DNAAF9: variants seen among roughly 807,000 people sequenced by gnomAD.
DNAAF9 encodes the protein shulin.
Under a neutral mutation model 167.0 loss-of-function variants are expected in DNAAF9, and 90 were observed. The ratio of observed to expected loss-of-function variants is 0.54; its 90% CI spans 0.45 to 0.64. DNAAF9 has a LOEUF of 0.64. Among genes scored for constraint, DNAAF9 ranks in the 30% least tolerant of loss-of-function variants. DNAAF9 has a pLI of 0.00. For missense variants in DNAAF9, 1,315 were observed against 1,442.2 expected, an observed-to-expected ratio of 0.91 and a Z score of 1.43; for synonymous variants, 491 against 508.8, an observed-to-expected ratio of 0.96 and a Z score of 0.47.
In DNAAF9 at chr20:3,374,910, T is replaced by C. The variant is rs538773271; in HGVS notation, c.505+120A>G. On this transcript the variant is annotated intron_variant, in intron 5 of 36. Transcript: ENST00000252032. ...CCATACTTAATTCTGCTTGATGTCT[T>C]TGGTAAAAATAGACGAAGGGGTTTC... is the stretch of plus-strand genomic sequence containing the variant. 8 of 641,210 alleles carry C rather than the reference T, an allele frequency of 1.2e-5. No individual in the cohort carries two copies. The South Asian group carries it at 1.7e-4, about 14-fold the overall frequency. The allele number at this position is 641,210 out of a possible 1,614,324, so 39.7% of individuals were successfully genotyped here.
chr20:3,296,201 C>A, intron 23 of DNAAF9: 3 of 545,580 alleles, frequency 5.5e-6, no homozygotes, highest in South Asian at 4.4e-5. Context: ...CCTAGGAGGT[C>A]AAGGCTGCAG....
intron 14 of DNAAF9, 32 bp downstream of exon 14, chr20:3,324,860 A>G (rs77934448): frequency 1.7e-6 from 2 of 1,157,408 alleles, no homozygotes; most frequent in Non-Finnish European, 2.5e-6. Flanking sequence ...AAGAAAAAAA[A>G]TTCCTTATAA....
At chr20:3,305,372 G>A (rs1165950891) in intron 20 of DNAAF9, among the ~76,000 whole-genome samples, 2 of 152,228 alleles carry the variant, frequency 1.3e-5, no homozygotes, top group African/African-American at 2.4e-5. Context: ...TTCTATTCCT[G>A]TAACAGCTTT....
rs570110874 is a variant in DNAAF9 at position 3,397,160 on chromosome 20, T to C, written c.83+10315A>G. On this transcript the variant is annotated intron_variant, in intron 1 of 36. Coordinates refer to ENST00000252032, the MANE Select transcript of DNAAF9 (RefSeq NM_001009984.3). ...TACTCAGGAGGCTGAGTTGAGAGGA[T>C]TGCTTGAGCCTGGGAGGCAGAGGTT... Among the ~76,000 whole-genome samples, 272 of 151,880 alleles carry C rather than the reference T, an allele frequency of 1.8e-3. 2 individuals carry two copies. Among genetic ancestry groups the C allele is most frequent in the Non-Finnish European group, 2.3e-3 (155 of 67,956 alleles).
At chr20:3,274,919 A>T (rs1203401733) in intron 29 of DNAAF9, among the ~76,000 whole-genome samples, 1 of 152,216 alleles carries the variant, frequency 6.6e-6, no homozygotes, top group African/African-American at 2.4e-5. Context: ...TTGAAGGCAG[A>T]TTCCAGGACC....
chr20:3,375,097 A>C lies in DNAAF9; in HGVS notation c.438T>G (p.Phe146Leu). ...EYEDEEAAEE[F>L]KITSFVDMVR... ...CCATGTCCACAAAGCTGGTAATTTT[A>C]AATTCTTCTGCGGCTTCTTCATCTT... The change falls in exon 5 of 37, where the codon TTT becomes TTG. Residue 146 changes from phenylalanine (F) to leucine (L), a missense_variant. Transcript: ENST00000252032. The C allele has an allele frequency of 6.2e-7, 1 of 1,611,528 alleles. No individual in the cohort carries two copies. The highest frequency in any genetic ancestry group is 8.5e-7 in the Non-Finnish European group (1 of 1,177,668).
chr20:3,284,580 A>C (rs568375043), intron 27 of DNAAF9, among the ~76,000 whole-genome samples: 1 of 151,340 alleles, frequency 6.6e-6, no homozygotes, highest in African/African-American at 2.4e-5. Context: ...TATTTTCTTT[A>C]TTAAAAATAA....
At position 3,324,894 on chromosome 20, in the gene DNAAF9, C is replaced by T. The variant is rs548419672; in HGVS notation, c.1263G>A (p.Leu421=). ...AAAAAATATCAGCCATTGCTTACCGCAGGGCTGCCTTAAACGGAATCAACT... is the reference window on the plus strand; with the variant it reads ...AAAAAATATCAGCCATTGCTTACCGTAGGGCTGCCTTAAACGGAATCAACT... ...SFELIPFKAA[L]RSKMTFHIHA... is the part of the protein sequence containing the mutation. The change falls in exon 14 of 37, where the codon CTG becomes CTA. Residue 421 remains leucine, a splice_region_variant and synonymous_variant. Coordinates refer to ENST00000252032, the MANE Select transcript of DNAAF9 (RefSeq NM_001009984.3). The T allele has an allele frequency of 1.0e-5, 16 of 1,571,298 alleles. No homozygotes were observed. The highest frequency in any genetic ancestry group is 5.0e-5 in the Admixed American group (3 of 59,762).
intron 29 of DNAAF9, among the ~76,000 whole-genome samples, chr20:3,271,532 T>A (rs1344226080): frequency 2.6e-5 from 4 of 152,292 alleles, no homozygotes; most frequent in Middle Eastern, 3.4e-3. Flanking sequence ...ACCCCTTCCA[T>A]ATTCATTCCT....
intron 28 of DNAAF9, among the ~76,000 whole-genome samples, chr20:3,281,073 G>C (rs1482954136): frequency 6.6e-6 from 1 of 151,926 alleles, no homozygotes; most frequent in Non-Finnish European, 1.5e-5. Flanking sequence ...CTGTCACCCA[G>C]GCTGGGGTGC....
chr20:3,287,556 T>A, intron 27 of DNAAF9, 76 bp downstream of exon 27: 1 of 1,390,372 alleles, frequency 7.2e-7, no homozygotes, highest in South Asian at 1.2e-5. Context: ...GCTCCAGGTT[T>A]GTTACACATA....
chr20:3,252,410 T>C lies in DNAAF9; in HGVS notation c.*162A>G. On this transcript the variant is annotated 3_prime_UTR_variant, in exon 37 of 37. Coordinates refer to ENST00000252032, the MANE Select transcript of DNAAF9 (RefSeq NM_001009984.3). ...GTGCAGGTGATGCTCTTCAGCGCTATACAGGGAATAAAGACAACATGCACT... is the reference window on the plus strand; with the variant it reads ...GTGCAGGTGATGCTCTTCAGCGCTACACAGGGAATAAAGACAACATGCACT... 1 of 589,978 alleles carries C rather than the reference T, an allele frequency of 1.7e-6. No individual in the cohort carries two copies. The highest frequency in any genetic ancestry group is 2.0e-5 in the South Asian group (1 of 50,670). 36.5% of individuals were successfully genotyped at this position (589,978 alleles called of 1,614,324 possible). A position where few individuals can be genotyped will look rare whatever the true frequency, so the allele number is the denominator to read the frequency against.
intron 30 of DNAAF9, among the ~76,000 whole-genome samples, chr20:3,264,780 G>A (rs1055948672): frequency 8.5e-5 from 13 of 152,148 alleles, no homozygotes; most frequent in African/African-American, 3.1e-4. Context: ...ATGTTGGCCA[G>A]GATCGTCTCA....
At chr20:3,269,136 T>A (rs1332357048) in intron 30 of DNAAF9, among the ~76,000 whole-genome samples, 3 of 151,798 alleles carry the variant, frequency 2.0e-5, no homozygotes, top group Non-Finnish European at 4.4e-5. Context: ...CTCAATCTCC[T>A]GACCTTGTGA....
At chr20:3,297,468 A>G (rs1000844982) in intron 22 of DNAAF9, among the ~76,000 whole-genome samples, 1 of 152,206 alleles carries the variant, frequency 6.6e-6, no homozygotes, top group Admixed American at 6.5e-5. Flanking sequence ...AGGGAGGAAC[A>G]CTGTCCCCTC....
chr20:3,352,778 T>C (rs1029282938), intron 7 of DNAAF9, among the ~76,000 whole-genome samples: 10 of 151,912 alleles, frequency 6.6e-5, no homozygotes, highest in African/African-American at 1.9e-4. Flanking sequence ...AGGCTGGCTG[T>C]GAGAAAGATG....
intron 15 of DNAAF9, 55 bp from the exon 16 acceptor site, chr20:3,322,317 A>G: frequency 7.3e-7 from 1 of 1,366,792 alleles, no homozygotes; most frequent in Non-Finnish European, 1.0e-6. Context: ...GTGTACTTAA[A>G]TTTACAGTGT....
chr20:3,369,343 A>T (rs2083478352), intron 6 of DNAAF9, among the ~76,000 whole-genome samples: 1 of 151,804 alleles, frequency 6.6e-6, no homozygotes. Context: ...ATTGGATATT[A>T]GACTTCTTAG....
At chr20:3,367,913 T>TAA (rs35776183) in intron 6 of DNAAF9, among the ~76,000 whole-genome samples, 61,354 of 141,892 alleles carry the variant, frequency 0.43, 12,915 homozygotes, top group Middle Eastern at 0.57. Context: ...TCAATTTGTT[T>TAA]AAAAAAAAAA....
Sources: allele counts gnomAD v4.1 joint callset (sites outside exome capture counted in the v4.1 genomes callset), GRCh38; gene constraint gnomAD v4.1.1; transcripts MANE v1.5; gene names NCBI Gene and HGNC (gene_info 2026-07-23, HGNC 2026-07-21).